ABCC6: variants seen among roughly 807,000 people sequenced by gnomAD.
ABCC6 encodes ATP-binding cassette sub-family C member 6.
In ABCC6, 126 loss-of-function variants were observed where a neutral mutation model predicts 169.5. That is an observed-to-expected ratio of 0.74 (90% CI 0.64 to 0.86). ABCC6 has a LOEUF of 0.86. ABCC6 is among the 40% of genes least tolerant of loss of function. ABCC6 has a pLI of 0.00. For synonymous variants in ABCC6, 752 were observed against 814.7 expected (o/e 0.92, Z 1.31); for missense variants, 1,733 against 1,927.2 (o/e 0.90, Z 1.89).
intron 7 of ABCC6, among the ~76,000 whole-genome samples, chr16:16,208,239 A>C (rs142108707): frequency 3.3e-5 from 5 of 152,112 alleles, no homozygotes; most frequent in Non-Finnish European, 7.3e-5. Flanking sequence ...ACCATATCTT[A>C]AGCCTGATAC....
Position 16,219,803 on chromosome 16 carries a change from A to G in ABCC6, c.345+19T>C. The G allele has an allele frequency of 1.3e-6, 2 of 1,494,702 alleles. No individual in the cohort carries two copies. The highest frequency in any genetic ancestry group is 2.5e-5 in the East Asian group (1 of 40,412). 92.6% of individuals were successfully genotyped at this position (1,494,702 alleles called of 1,614,324 possible). On this transcript the variant is annotated intron_variant, in intron 3 of 30. Transcript: ENST00000205557. ...AGCAGCTGGGAGGAAGCCGGGCTCC[A>G]GACTGAAGGCATCATTACCATCGTG...
chr16:16,152,750 T>A (rs1392350586), intron 29 of ABCC6, among the ~76,000 whole-genome samples: 1 of 151,142 alleles, frequency 6.6e-6, no homozygotes. Context: ...GTGGGGGGCC[T>A]GGATTTGAGC....
chr16:16,174,846 C>T (rs12928848), intron 20 of ABCC6, among the ~76,000 whole-genome samples: 21 of 148,806 alleles, frequency 1.4e-4, no homozygotes, highest in African/African-American at 2.7e-4. Context: ...CTGCAACCTC[C>T]GCCTCCGAGG....
At chr16:16,163,317 C>T in intron 23 of ABCC6, 125 bp from the exon 24 acceptor site, 1 of 905,668 alleles carries the variant, frequency 1.1e-6, no homozygotes, top group South Asian at 1.5e-5. Flanking sequence ...TACTGTGTGA[C>T]CTTGGGCTAG....
In ABCC6 at chr16:16,149,950, G is replaced by T. The variant is rs2046341703; in HGVS notation, c.*183C>A. 15 of 907,580 alleles carry T rather than the reference G, an allele frequency of 1.7e-5. No homozygotes were observed. Among genetic ancestry groups the T allele is most frequent in the Non-Finnish European group, 2.4e-5 (14 of 581,882 alleles). 56.2% of individuals were successfully genotyped at this position (907,580 alleles called of 1,614,324 possible). On this transcript the variant is annotated 3_prime_UTR_variant, in exon 31 of 31. Coordinates refer to ENST00000205557, the MANE Select transcript of ABCC6 (RefSeq NM_001171.6). Reference sequence around the variant, plus strand: ...GCCCGGGCAGACCTGTGTATTGCTAGGTCCTTCCGGCTCTGATGCTCTGTG... The same window carrying T: ...GCCCGGGCAGACCTGTGTATTGCTATGTCCTTCCGGCTCTGATGCTCTGTG...
chr16:16,149,990 T>G lies in ABCC6; in HGVS notation c.*143A>C. ...GATGCTCTGTGATAATTGGCCACTT[T>G]CTCTGCCATTTTCCTCCCAGAGAGC... On this transcript the variant is annotated 3_prime_UTR_variant, in exon 31 of 31. Transcript: ENST00000205557. 1.5e-6 allele frequency: 2 copies of G among 1,312,966 alleles called. No individual in the cohort carries two copies. Among genetic ancestry groups the G allele is most frequent in the Non-Finnish European group, 2.1e-6 (2 of 935,066 alleles). The allele number at this position is 1,312,966 out of a possible 1,614,324, so 81.3% of individuals were successfully genotyped here.
rs76850821 is a variant in ABCC6 at position 16,183,593 on chromosome 16, G to A, written c.1944-663C>T. Among the ~76,000 whole-genome samples, 1,025 of 152,270 alleles carry A rather than the reference G, an allele frequency of 6.7e-3. 12 individuals are homozygous for A. The highest frequency in any genetic ancestry group is 0.024 in the African/African-American group (985 of 41,542). ...CTTCCGCTCTGTGCCTCAGCTGCTC[G>A]GCCCTGGCCTTGCTGACCTCCTTGC... On this transcript the variant is annotated intron_variant, in intron 15 of 30. Transcript: ENST00000205557.
At chr16:16,158,115 G>A (rs913497963) in intron 26 of ABCC6, among the ~76,000 whole-genome samples, 2 of 152,160 alleles carry the variant, frequency 1.3e-5, no homozygotes, top group Non-Finnish European at 2.9e-5. Context: ...TGACTGTGCA[G>A]TGGGAAGACC....
chr16:16,181,635 A>T (rs886745913), intron 17 of ABCC6: 6 of 153,466 alleles, frequency 3.9e-5, no homozygotes, highest in African/African-American at 1.4e-4. Context: ...GGGCTAATGG[A>T]TACCAGAGCC....
At chr16:16,178,487 C>G (rs1015978709) in intron 18 of ABCC6, among the ~76,000 whole-genome samples, 1 of 151,972 alleles carries the variant, frequency 6.6e-6, no homozygotes, top group Non-Finnish European at 1.5e-5. Context: ...AATAGAGAAA[C>G]AGAGGGGACT....
intron 22 of ABCC6, among the ~76,000 whole-genome samples, chr16:16,167,627 C>T (rs1337545718): frequency 6.6e-6 from 1 of 152,152 alleles, no homozygotes; most frequent in African/African-American, 2.4e-5. Flanking sequence ...TGACACCATG[C>T]CTGGCTAATT....
At chr16:16,166,022 A>C in intron 22 of ABCC6, 89 bp from the exon 23 acceptor site, 1 of 1,329,632 alleles carries the variant, frequency 7.5e-7, no homozygotes, top group Non-Finnish European at 1.1e-6. Flanking sequence ...CCGCTACCCC[A>C]TGGTGGACAT....
At chr16:16,177,891 C>T (rs212624) in intron 18 of ABCC6, among the ~76,000 whole-genome samples, 13,847 of 150,834 alleles carry the variant, frequency 0.092, 722 homozygotes, top group East Asian at 0.25. Flanking sequence ...TGCAGTGAGG[C>T]GAGATTGGAC....
intron 20 of ABCC6, among the ~76,000 whole-genome samples, chr16:16,173,649 G>GTTAA (rs1333962513): frequency 1.3e-5 from 2 of 151,970 alleles, no homozygotes; most frequent in African/African-American, 4.8e-5. Flanking sequence ...CCAATTCACA[G>GTTAA]GATGAACTTA....
At chr16:16,150,494 A>G (rs1235708648) in intron 30 of ABCC6, 84 bp downstream of exon 30, 1 of 1,537,150 alleles carries the variant, frequency 6.5e-7, no homozygotes, top group Non-Finnish European at 8.8e-7. Flanking sequence ...TCTAACCCGA[A>G]GCCCAGTGGC....
In ABCC6 at chr16:16,188,848, T is replaced by C; in HGVS notation, c.1762A>G (p.Ile588Val). 6.2e-7 allele frequency: 1 copy of C among 1,613,912 alleles called. No homozygotes were observed. Among genetic ancestry groups the C allele is most frequent in the Non-Finnish European group, 8.5e-7 (1 of 1,179,962 alleles). The change falls in exon 13 of 31, where the codon ATC becomes GTC. Residue 588 changes from isoleucine (I) to valine (V), a missense_variant. By Grantham distance (29) the Ile-to-Val change is conservative. Around this residue, in one of 5 missense-constraint regions of ABCC6, gnomAD observed 1,601 missense variants for 1,635.5 expected, o/e 0.98. Transcript: ENST00000205557. Reference protein sequence around the residue: ...NKAQAFLPFSIHSLVQARVSF... With the variant: ...NKAQAFLPFSVHSLVQARVSF... ...CACCTCACCTGGACGAGGGAGTGGA[T>C]GGAGAAGGGCAGGAAAGCCTGGGCC...
intron 29 of ABCC6, among the ~76,000 whole-genome samples, chr16:16,152,159 C>A (rs2046403820): frequency 7.1e-6 from 1 of 141,238 alleles, no homozygotes; most frequent in African/African-American, 2.7e-5. Flanking sequence ...CGCCACTGCA[C>A]TCCAGCCTGG....
At chr16:16,188,391 C>CAAAT (rs887971547) in intron 13 of ABCC6, among the ~76,000 whole-genome samples, 7 of 151,840 alleles carry the variant, frequency 4.6e-5, no homozygotes, top group Non-Finnish European at 8.8e-5. Flanking sequence ...GACTCCATCT[C>CAAAT]AAATAAATAA....
In ABCC6 at chr16:16,166,901, A is replaced by AT. The variant is rs1263209087; in HGVS notation, c.2996-969_2996-968insA. Among the ~76,000 whole-genome samples the AT allele has an allele frequency of 8.0e-3, 661 of 82,954 alleles. 7 individuals carry two copies. The highest frequency in any genetic ancestry group is 0.018 in the African/African-American group (602 of 34,370). The allele number at this position is 82,954 out of a possible 152,430, so 54.4% of individuals were successfully genotyped here. Reference sequence around the variant, plus strand: ...TGACAGAGCAAGACTCCGTCTCAGAAAAAACAAACAAACAAACAAAAAAAC... The same window carrying AT: ...TGACAGAGCAAGACTCCGTCTCAGAATAAAACAAACAAACAAACAAAAAAAC... On this transcript the variant is annotated intron_variant, in intron 22 of 30. Coordinates refer to ENST00000205557, the MANE Select transcript of ABCC6 (RefSeq NM_001171.6).
Sources: gnomAD v4.1 joint callset for allele counts (sites outside exome capture counted in the v4.1 genomes callset) on GRCh38, gnomAD v4.1.1 for gene constraint, gnomAD v4.1.1 regional missense constraint, MANE v1.5 for transcripts, NCBI Gene and HGNC (gene_info 2026-07-23, HGNC 2026-07-21) for gene names.